Variants in FAM171A1 observed in about 807,000 individuals in gnomAD.
The protein encoded by FAM171A1 is family with sequence similarity 171 member A1.
A neutral mutation model predicts 74.9 loss-of-function variants in FAM171A1; 23 were observed. The observed-to-expected ratio is 0.31, with a 90% CI of 0.22 to 0.44. The LOEUF (loss-of-function observed/expected upper bound fraction) is 0.44, where lower values mean the gene tolerates loss of function less well. FAM171A1 is among the 20% of genes least tolerant of loss of function. FAM171A1 has a pLI of 1.00. For missense variants in FAM171A1, 1,162 were observed against 1,159.2 expected, an observed-to-expected ratio of 1.00 and a Z score of -0.03; for synonymous variants, 527 against 505.7, an observed-to-expected ratio of 1.04 and a Z score of -0.57.
chr10:15,297,836 A>C (rs542754259), intron 1 of FAM171A1, among the ~76,000 whole-genome samples: 1 of 152,314 alleles, frequency 6.6e-6, no homozygotes, highest in East Asian at 1.9e-4. Flanking sequence ...CCCGGTACAA[A>C]ATGAGGTTTT....
chr10:15,353,349 C>G (rs1316276916), intron 1 of FAM171A1, among the ~76,000 whole-genome samples: 1 of 152,198 alleles, frequency 6.6e-6, no homozygotes, highest in Non-Finnish European at 1.5e-5. Context: ...CTTGGAATAA[C>G]ACGCATACAT....
chr10:15,360,073 C>G (rs1199317964), intron 1 of FAM171A1, among the ~76,000 whole-genome samples: 3 of 152,164 alleles, frequency 2.0e-5, no homozygotes, highest in Non-Finnish European at 4.4e-5. Context: ...CAGCTGGGAC[C>G]ACAGTGTACC....
intron 2 of FAM171A1, among the ~76,000 whole-genome samples, chr10:15,282,350 T>C (rs560584793): frequency 1.3e-5 from 2 of 152,366 alleles, no homozygotes; most frequent in Admixed American, 6.5e-5. Context: ...GCATGAGTTA[T>C]GGTGCTATGG....
chr10:15,333,643 CATA>C (rs1487170547), intron 1 of FAM171A1, among the ~76,000 whole-genome samples: 1 of 152,046 alleles, frequency 6.6e-6, no homozygotes, highest in Non-Finnish European at 1.5e-5. Context: ...GCCTGGCCAA[CATA>C]ATGAGACCCC....
intron 1 of FAM171A1, among the ~76,000 whole-genome samples, chr10:15,285,379 A>G (rs1037327967): frequency 6.6e-6 from 1 of 152,224 alleles, no homozygotes; most frequent in African/African-American, 2.4e-5. Flanking sequence ...GAAGTCACAA[A>G]GGTTTTAAGA....
intron 1 of FAM171A1, among the ~76,000 whole-genome samples, chr10:15,349,241 G>C (rs935881583): frequency 6.6e-6 from 1 of 152,222 alleles, no homozygotes; most frequent in Non-Finnish European, 1.5e-5. Flanking sequence ...CACACCTGCA[G>C]ACAGGTGTTC....
intron 1 of FAM171A1, among the ~76,000 whole-genome samples, chr10:15,344,293 T>G (rs753823567): frequency 2.0e-5 from 3 of 152,212 alleles, no homozygotes; most frequent in Non-Finnish European, 2.9e-5. Flanking sequence ...TCCCAGCAAC[T>G]GTCTTCTACC....
intron 1 of FAM171A1, among the ~76,000 whole-genome samples, chr10:15,300,102 G>C (rs948393028): frequency 2.0e-5 from 3 of 152,202 alleles, no homozygotes; most frequent in Non-Finnish European, 4.4e-5. Context: ...CCCTGGAGCA[G>C]CTGAAGTTTA....
intron 2 of FAM171A1, among the ~76,000 whole-genome samples, chr10:15,277,677 G>A (rs148520319): frequency 2.6e-5 from 4 of 152,310 alleles, no homozygotes; most frequent in Admixed American, 2.6e-4. Context: ...TGGAAAAGTT[G>A]GCCTAGAGAG....
chr10:15,345,309 G>A (rs1037473111), intron 1 of FAM171A1, among the ~76,000 whole-genome samples: 21 of 152,210 alleles, frequency 1.4e-4, no homozygotes, highest in Non-Finnish European at 2.1e-4. Flanking sequence ...GGGGCGGGAA[G>A]TGTCCGGACC....
At chr10:15,223,835 G>A (rs1442990424) in intron 5 of FAM171A1, among the ~76,000 whole-genome samples, 1 of 152,312 alleles carries the variant, frequency 6.6e-6, no homozygotes, top group South Asian at 2.1e-4. Context: ...TGAGGCGGAG[G>A]TTGCGGTGAG....
intron 2 of FAM171A1, among the ~76,000 whole-genome samples, chr10:15,282,113 C>T (rs1312367235): frequency 6.6e-6 from 1 of 152,188 alleles, no homozygotes. Context: ...TGGAGTCTCG[C>T]TGTGTCATCC....
intron 3 of FAM171A1, among the ~76,000 whole-genome samples, chr10:15,261,321 G>C (rs911643167): frequency 6.6e-6 from 1 of 152,144 alleles, no homozygotes; most frequent in Admixed American, 6.5e-5. Context: ...CTCCTTAAAT[G>C]GATCAGTGAA....
chr10:15,323,378 G>A (rs751512920), intron 1 of FAM171A1, among the ~76,000 whole-genome samples: 4 of 152,094 alleles, frequency 2.6e-5, no homozygotes, highest in Non-Finnish European at 4.4e-5. Context: ...GCTTGAACCC[G>A]GGAGGCAGGG....
intron 2 of FAM171A1, 23 bp downstream of exon 2, chr10:15,283,855 A>C (rs1228955178): frequency 1.2e-6 from 2 of 1,612,106 alleles, no homozygotes; most frequent in Non-Finnish European, 1.7e-6. Context: ...CTCTGTGTTA[A>C]AGAAAGATGA....
At chr10:15,224,601 G>C (rs1834081311) in intron 5 of FAM171A1, among the ~76,000 whole-genome samples, 2 of 152,114 alleles carry the variant, frequency 1.3e-5, no homozygotes, top group Admixed American at 1.3e-4. Flanking sequence ...GGTCTTTCCT[G>C]TGCTGTTCTT....
intron 6 of FAM171A1, 56 bp downstream of exon 6, chr10:15,220,888 C>A: frequency 1.5e-6 from 2 of 1,313,304 alleles, no homozygotes; most frequent in South Asian, 1.3e-5. Flanking sequence ...TTAGCCTGAA[C>A]CCTCAAAGAC....
intron 5 of FAM171A1, among the ~76,000 whole-genome samples, chr10:15,223,069 G>A (rs941208963): frequency 6.6e-6 from 1 of 152,242 alleles, no homozygotes; most frequent in Non-Finnish European, 1.5e-5. Context: ...GCTGGGCATG[G>A]TGGCTCACGC....
intron 1 of FAM171A1, among the ~76,000 whole-genome samples, chr10:15,325,197 G>A (rs1277631514): frequency 6.6e-6 from 1 of 152,202 alleles, no homozygotes; most frequent in Non-Finnish European, 1.5e-5. Flanking sequence ...GAAGCAGACA[G>A]AGAACTTTTA....
Sources: allele counts gnomAD v4.1 joint callset (sites outside exome capture counted in the v4.1 genomes callset), GRCh38; gene constraint gnomAD v4.1.1; transcripts MANE v1.5; gene names NCBI Gene and HGNC (gene_info 2026-07-23, HGNC 2026-07-21).